The following PLA2G4C variants were observed in gnomAD, a reference collection of about 807,000 sequenced individuals.
The protein encoded by PLA2G4C is phospholipase A2 group IVC, also known as cytosolic phospholipase A2 gamma.
Under a neutral mutation model 73.8 loss-of-function variants are expected in PLA2G4C, and 64 were observed. That is an observed-to-expected ratio of 0.87 (90% CI 0.71 to 1.07). The LOEUF is 1.07. Among genes scored for constraint, PLA2G4C ranks in the 50% least tolerant of loss-of-function variants. PLA2G4C has a pLI of 0.00. For synonymous variants in PLA2G4C, 254 were observed against 252.1 expected (o/e 1.01, Z -0.07); for missense variants, 622 against 665.4 (o/e 0.93, Z 0.72).
intron 13 of PLA2G4C, chr19:48,062,398 T>G (rs1361903016): frequency 5.8e-6 from 2 of 345,168 alleles, no homozygotes; most frequent in Non-Finnish European, 1.1e-5. Flanking sequence ...TCACTTGAGG[T>G]CAGGAGTTCA....
chr19:48,077,598 C>A (rs1298783533), intron 11 of PLA2G4C, among the ~76,000 whole-genome samples, 173 bp downstream of exon 11: 1 of 152,174 alleles, frequency 6.6e-6, no homozygotes, highest in Non-Finnish European at 1.5e-5. Context: ...AACTCCGATC[C>A]TGCCCCTCCT....
intron 5 of PLA2G4C, among the ~76,000 whole-genome samples, chr19:48,098,981 T>C (rs2031761237): frequency 6.6e-6 from 1 of 151,652 alleles, no homozygotes; most frequent in Admixed American, 6.6e-5. Context: ...ATACACGTAA[T>C]CCCAGCACTT....
chr19:48,104,774 G>A (rs1406562426), intron 3 of PLA2G4C, 50 bp from the exon 4 acceptor site: 1 of 1,594,116 alleles, frequency 6.3e-7, no homozygotes, highest in Admixed American at 1.7e-5. Flanking sequence ...TGAGGATGGA[G>A]GTGGGAACAA....
chr19:48,066,861 C>T (rs372872455), intron 13 of PLA2G4C, among the ~76,000 whole-genome samples: 60 of 151,804 alleles, frequency 4.0e-4, no homozygotes, highest in African/African-American at 9.2e-4. Context: ...CCCAGCTATT[C>T]GGGAGGCTGA....
intron 11 of PLA2G4C, among the ~76,000 whole-genome samples, chr19:48,075,166 A>T (rs143333929): frequency 0.011 from 1,649 of 147,244 alleles, 34 homozygotes; most frequent in African/African-American, 0.039. Flanking sequence ...TTATTTATTT[A>T]TTTATTTATT....
At chr19:48,078,169 C>T (rs189230682) in intron 10 of PLA2G4C, among the ~76,000 whole-genome samples, 145 of 152,234 alleles carry the variant, frequency 9.5e-4, no homozygotes, top group African/African-American at 3.4e-3. Flanking sequence ...TCCCACATCC[C>T]TTTATGATTA....
rs141457201 is a variant in PLA2G4C at position 48,061,369 on chromosome 19, T to A, written c.1257+629A>T. 548 of 153,444 alleles carry A rather than the reference T, an allele frequency of 3.6e-3. 3 individuals are homozygous for A. Among genetic ancestry groups the A allele is most frequent in the Admixed American group, 7.5e-3 (116 of 15,528 alleles). 9.5% of individuals were successfully genotyped at this position (153,444 alleles called of 1,614,324 possible). On this transcript the variant is annotated intron_variant, in intron 14 of 16. Coordinates refer to ENST00000599921, the MANE Select transcript of PLA2G4C (RefSeq NM_003706.3). ...GCACTTCACATGTATTAACAAGTAT[T>A]AATTTAATCCACAGAACAACTCCTG... is the stretch of plus-strand genomic sequence containing the variant.
intron 5 of PLA2G4C, among the ~76,000 whole-genome samples, chr19:48,098,620 C>T (rs563238689): frequency 6.7e-6 from 1 of 149,124 alleles, no homozygotes; most frequent in African/African-American, 2.5e-5. Context: ...GGCTCATACC[C>T]ATAATCCCAG....
chr19:48,074,677 G>A, intron 12 of PLA2G4C, 90 bp downstream of exon 12: 1 of 839,752 alleles, frequency 1.2e-6, no homozygotes, highest in East Asian at 2.4e-5. Flanking sequence ...TCCCCTGCAG[G>A]ACTGGCCCAC....
chr19:48,070,207 T>C (rs953889348), intron 12 of PLA2G4C, among the ~76,000 whole-genome samples: 1 of 152,188 alleles, frequency 6.6e-6, no homozygotes, highest in Non-Finnish European at 1.5e-5. Flanking sequence ...GTTTAACATG[T>C]CAACTAGGCT....
At chr19:48,082,852 C>T (rs1337139741) in intron 10 of PLA2G4C, among the ~76,000 whole-genome samples, 21 of 131,524 alleles carry the variant, frequency 1.6e-4, no homozygotes, top group African/African-American at 5.8e-4. Context: ...CTCGCTCTGT[C>T]GCCCAGGCTG....
intron 12 of PLA2G4C, among the ~76,000 whole-genome samples, chr19:48,069,639 T>A (rs1968582865): frequency 6.6e-6 from 1 of 152,114 alleles, no homozygotes; most frequent in East Asian, 1.9e-4. Context: ...CTCCAATCCT[T>A]TCTCTGAACA....
At chr19:48,049,497 T>C (rs1407648324) in intron 16 of PLA2G4C, among the ~76,000 whole-genome samples, 1 of 97,128 alleles carries the variant, frequency 1.0e-5, no homozygotes, top group Non-Finnish European at 2.4e-5. Context: ...TTATGTCATG[T>C]TGCCCCCCGG....
At chr19:48,051,461 A>G (rs1427743677) in intron 16 of PLA2G4C, among the ~76,000 whole-genome samples, 2 of 152,206 alleles carry the variant, frequency 1.3e-5, no homozygotes, top group Non-Finnish European at 2.9e-5. Context: ...GGTTTTTGCC[A>G]TTACTTTTAG....
intron 16 of PLA2G4C, among the ~76,000 whole-genome samples, chr19:48,049,483 C>T (rs1444172028): frequency 7.8e-6 from 1 of 128,652 alleles, no homozygotes; most frequent in South Asian, 2.9e-4. Context: ...CTTTGTTTAC[C>T]TGTTTATGTC....
rs1407457178 is a variant in PLA2G4C, at chr19:48,072,955, G to GTCT, written c.1006+1809_1006+1811dup. The GTCT allele has an allele frequency of 1.3e-5, 2 of 152,180 alleles. No individual in the cohort carries two copies. The highest frequency in any genetic ancestry group is 4.8e-5 in the African/African-American group (2 of 41,402). 9.4% of individuals were successfully genotyped at this position (152,180 alleles called of 1,614,324 possible). ...AAGGCAGTGGCTTCAGCGACCAACT[G>GTCT]TCTTCATTGTCCCTCATCCACGCTA... On this transcript the variant is annotated intron_variant, in intron 12 of 16. Coordinates refer to ENST00000599921, the MANE Select transcript of PLA2G4C (RefSeq NM_003706.3). The surrounding 1 kb of genome is among the most constrained non-coding windows in gnomAD (Gnocchi z 4.4).
Position 48,078,028 on chromosome 19 carries a change from T to C in PLA2G4C, c.845-204A>G, listed in dbSNP as rs548346936. 7.9e-5 allele frequency among the ~76,000 whole-genome samples: 12 copies of C among 152,278 alleles called. No homozygotes were observed. In the South Asian group the frequency reaches 2.5e-3, roughly 32 times the overall value. ...CATGTTGGTAGCTTGAAATTTGCCA[T>C]GATGTGATCAAGTGGGTTTCATACT... is the stretch of plus-strand genomic sequence containing the variant. On this transcript the variant is annotated intron_variant, in intron 10 of 16. Transcript: ENST00000599921.
intron 6 of PLA2G4C, among the ~76,000 whole-genome samples, chr19:48,097,362 C>T (rs2031647670): frequency 1.4e-5 from 2 of 147,536 alleles, no homozygotes; most frequent in African/African-American, 5.1e-5. Flanking sequence ...ACGCCATTCT[C>T]CTGCCTCAGC....
In PLA2G4C at chr19:48,061,840, T is replaced by C. The variant is rs1269443938; in HGVS notation, c.1257+158A>G. On this transcript the variant is annotated intron_variant, in intron 14 of 16. Transcript: ENST00000599921. Reference sequence around the variant, plus strand: ...TTGGATGTGGCCGACCGCGGGTGCTTCGGGAGCGATGGGTGAGTTGATTTG... The same window carrying C: ...TTGGATGTGGCCGACCGCGGGTGCTCCGGGAGCGATGGGTGAGTTGATTTG... The C allele has an allele frequency of 8.3e-6, 6 of 726,208 alleles. No homozygotes were observed. The Admixed American group carries it at 1.3e-4, about 16-fold the overall frequency. 45.0% of individuals were successfully genotyped at this position (726,208 alleles called of 1,614,324 possible).
Sources: gnomAD v4.1 joint callset for allele counts (sites outside exome capture counted in the v4.1 genomes callset) on GRCh38, gnomAD v4.1.1 for gene constraint, Gnocchi (gnomAD v3.1) non-coding constraint, MANE v1.5 for transcripts, NCBI Gene and HGNC (gene_info 2026-07-23, HGNC 2026-07-21) for gene names.